CLVS1: variants seen among roughly 807,000 people sequenced by gnomAD.
The protein encoded by CLVS1 is clavesin-1.
Under a neutral mutation model 33.1 loss-of-function variants are expected in CLVS1, and 10 were observed. The observed-to-expected ratio is 0.30, with a 90% CI of 0.19 to 0.51. CLVS1 has a LOEUF of 0.51. Ranked by LOEUF, CLVS1 falls within the 20% of genes least tolerant of loss-of-function variation. The pLI, the probability that CLVS1 is intolerant of heterozygous loss-of-function variation, is 0.97. For missense variants in CLVS1, 343 were observed against 433.4 expected, an observed-to-expected ratio of 0.79 and a Z score of 1.85; for synonymous variants, 163 against 166.1, an observed-to-expected ratio of 0.98 and a Z score of 0.14.
At chr8:60,991,606 G>C in the CLVS1 span, among the ~76,000 whole-genome samples, 1 of 152,168 alleles carries the variant, frequency 6.6e-6, no homozygotes, top group African/African-American at 2.4e-5. Context: ...GTGCCTGTCA[G>C]CCCTTGAGCT....
chr8:61,212,435 C>T (rs1807989842), intron 2 of CLVS1, among the ~76,000 whole-genome samples: 1 of 152,122 alleles, frequency 6.6e-6, no homozygotes, highest in African/African-American at 2.4e-5. Flanking sequence ...GACTCCAGAG[C>T]GTGAAGTGAG....
chr8:61,139,025 A>G (rs1806249995), intron 2 of CLVS1, among the ~76,000 whole-genome samples: 1 of 152,286 alleles, frequency 6.6e-6, no homozygotes, highest in Non-Finnish European at 1.5e-5. Flanking sequence ...AACTGCTAGA[A>G]GCACCCGCGC....
chr8:61,146,640 C>A (rs1158643188), intron 2 of CLVS1, among the ~76,000 whole-genome samples: 1 of 152,212 alleles, frequency 6.6e-6, no homozygotes, highest in Non-Finnish European at 1.5e-5. Flanking sequence ...GATCACATTT[C>A]AGCAGATAAG....
At chr8:61,352,754 G>A (rs961718970) in intron 2 of CLVS1, among the ~76,000 whole-genome samples, 2 of 151,616 alleles carry the variant, frequency 1.3e-5, no homozygotes, top group Admixed American at 6.6e-5. Flanking sequence ...ACAAATGGTG[G>A]ATCAAAAACA....
At chr8:61,102,999 T>A (rs562343872) in intron 1 of CLVS1, among the ~76,000 whole-genome samples, 41 of 152,274 alleles carry the variant, frequency 2.7e-4, no homozygotes, top group African/African-American at 9.9e-4. Context: ...TAGGCAATGA[T>A]AGTAGATCAT....
the CLVS1 span, among the ~76,000 whole-genome samples, chr8:60,984,476 C>T: frequency 3.5e-4 from 53 of 151,998 alleles, no homozygotes; most frequent in African/African-American, 8.9e-4. Flanking sequence ...TACAGGCGTC[C>T]GCCACCATGC....
At chr8:60,967,749 C>G in the CLVS1 span, 1 of 452,916 alleles carries the variant, frequency 2.2e-6, no homozygotes, top group Non-Finnish European at 4.4e-6. Flanking sequence ...GAAGCATCTG[C>G]CACCACCGGC....
chr8:61,097,327 T>TA (rs1260884457), intron 1 of CLVS1, among the ~76,000 whole-genome samples: 1 of 151,832 alleles, frequency 6.6e-6, no homozygotes, highest in African/African-American at 2.4e-5. Flanking sequence ...ATTAATTAAT[T>TA]AAAAAATAAA....
chr8:61,412,602 G>T (rs10104196), intron 3 of CLVS1, among the ~76,000 whole-genome samples: 9 of 152,210 alleles, frequency 5.9e-5, no homozygotes, highest in African/African-American at 1.9e-4. Flanking sequence ...CAGGTATGCT[G>T]GCAGTGCATC....
intron 2 of CLVS1, among the ~76,000 whole-genome samples, chr8:61,274,818 T>G (rs1215006499): frequency 1.3e-5 from 2 of 152,220 alleles, no homozygotes; most frequent in Non-Finnish European, 2.9e-5. Flanking sequence ...TTGTAGTTTC[T>G]TATGTCTTCA....
At chr8:61,086,091 G>A (rs984588016) in intron 1 of CLVS1, among the ~76,000 whole-genome samples, 2 of 142,788 alleles carry the variant, frequency 1.4e-5, no homozygotes, top group Non-Finnish European at 3.0e-5. Context: ...GCTTGTTGTG[G>A]TGGTGTGTGA....
chr8:61,298,658 A>G (rs550434940), intron 1 of CLVS1, among the ~76,000 whole-genome samples: 32 of 152,332 alleles, frequency 2.1e-4, no homozygotes, highest in Middle Eastern at 3.4e-3. Context: ...GGAAAAATAA[A>G]TGCCTCTAAG....
chr8:61,141,071 CG>C (rs1806299655), intron 2 of CLVS1, among the ~76,000 whole-genome samples: 1 of 152,118 alleles, frequency 6.6e-6, no homozygotes, highest in Non-Finnish European at 1.5e-5. Flanking sequence ...CACTTATCTG[CG>C]CTCATCTGAA....
chr8:61,114,092 C>G (rs917403903), intron 1 of CLVS1, among the ~76,000 whole-genome samples: 1 of 152,220 alleles, frequency 6.6e-6, no homozygotes, highest in Non-Finnish European at 1.5e-5. Flanking sequence ...TGGCTGTGTT[C>G]TAGTAAAACT....
intron 3 of CLVS1, among the ~76,000 whole-genome samples, chr8:61,420,181 A>G (rs1753223490): frequency 6.6e-6 from 1 of 152,158 alleles, no homozygotes; most frequent in Non-Finnish European, 1.5e-5. Flanking sequence ...TCTGTGACTC[A>G]ATTTTCTCAC....
intron 1 of CLVS1, among the ~76,000 whole-genome samples, chr8:61,087,170 G>A (rs1805141676): frequency 6.6e-6 from 1 of 152,224 alleles, no homozygotes; most frequent in Non-Finnish European, 1.5e-5. Context: ...TTGGGACAAG[G>A]AGACATGAAT....
At chr8:61,166,819 T>A (rs1806875317) in intron 2 of CLVS1, among the ~76,000 whole-genome samples, 2 of 151,400 alleles carry the variant, frequency 1.3e-5, no homozygotes, top group African/African-American at 2.4e-5. Flanking sequence ...TTAAGAAATT[T>A]AAAAAGTTCT....
chr8:61,090,910 G>A (rs761800369), intron 1 of CLVS1: 1 of 518,808 alleles, frequency 1.9e-6, no homozygotes, highest in Non-Finnish European at 3.8e-6. Context: ...TAAGATGTTG[G>A]GGGACCTTGA....
intron 2 of CLVS1, among the ~76,000 whole-genome samples, chr8:61,262,504 C>CA (rs936700041): frequency 2.6e-5 from 4 of 151,326 alleles, no homozygotes; most frequent in African/African-American, 4.9e-5. Context: ...GACACTATCT[C>CA]AAAAAAAAGT....
Sources: allele counts gnomAD v4.1 joint callset (sites outside exome capture counted in the v4.1 genomes callset), GRCh38; gene constraint gnomAD v4.1.1; transcripts MANE v1.5; gene names NCBI Gene and HGNC (gene_info 2026-07-23, HGNC 2026-07-21).